Variants in GPC5 observed in about 807,000 individuals in gnomAD.
GPC5 encodes the protein glypican-5.
A neutral mutation model predicts 53.9 loss-of-function variants in GPC5; 47 were observed. The observed-to-expected ratio is 0.87, with a 90% CI of 0.69 to 1.11. The LOEUF (loss-of-function observed/expected upper bound fraction) is 1.11, where lower values mean the gene tolerates loss of function less well. Ranked by LOEUF, GPC5 falls within the 50% of genes most tolerant of loss-of-function variation. The pLI is 0.00. For synonymous variants in GPC5, 286 were observed against 263.3 expected, an observed-to-expected ratio of 1.09 and a Z score of -0.84; for missense variants, 748 against 713.1, an observed-to-expected ratio of 1.05 and a Z score of -0.56.
intron 7 of GPC5, among the ~76,000 whole-genome samples, chr13:92,253,055 G>C (rs2042703045): frequency 6.6e-6 from 1 of 152,070 alleles, no homozygotes; most frequent in African/African-American, 2.4e-5. Flanking sequence ...TTCCATCCAA[G>C]GAACCTATTT....
intron 5 of GPC5, among the ~76,000 whole-genome samples, chr13:91,859,264 C>T (rs1049560233): frequency 5.9e-5 from 9 of 151,622 alleles, no homozygotes; most frequent in African/African-American, 2.2e-4. Flanking sequence ...TTTTTCACTT[C>T]TTTGATCTTG....
At chr13:92,828,092 A>T (rs1175508701) in intron 7 of GPC5, among the ~76,000 whole-genome samples, 4 of 152,140 alleles carry the variant, frequency 2.6e-5, no homozygotes, top group Non-Finnish European at 4.4e-5. Flanking sequence ...ATTCCTGTCC[A>T]GTCATCCAGA....
At chr13:91,422,774 G>A (rs554058762) in intron 1 of GPC5, among the ~76,000 whole-genome samples, 1 of 152,280 alleles carries the variant, frequency 6.6e-6, no homozygotes, top group Non-Finnish European at 1.5e-5. Context: ...CACATAACAA[G>A]AGGATTCATG....
chr13:92,469,288 A>G (rs938407981), intron 7 of GPC5, among the ~76,000 whole-genome samples: 2 of 151,992 alleles, frequency 1.3e-5, no homozygotes, highest in African/African-American at 4.8e-5. Context: ...AGCTCACTGC[A>G]ACCTCCACCT....
chr13:92,540,662 T>A (rs1212130016), intron 7 of GPC5, among the ~76,000 whole-genome samples: 1 of 151,760 alleles, frequency 6.6e-6, no homozygotes, highest in East Asian at 1.9e-4. Context: ...AGGAGGAAGG[T>A]TTTGTGGAAG....
rs556115619 is a variant in GPC5, at chr13:91,824,394, G to C, written c.1280+67974G>C. 3.3e-5 allele frequency among the ~76,000 whole-genome samples: 5 copies of C among 152,132 alleles called. No homozygotes were observed. In the South Asian group the frequency reaches 1.0e-3, roughly 32 times the overall value. ...CTAGGAAGCATTTAAACCCCAGACA[G>C]TGTTTTAATAAGAAAAGTTTTAAAT... On this transcript the variant is annotated intron_variant, in intron 5 of 7. Coordinates refer to ENST00000377067, the MANE Select transcript of GPC5 (RefSeq NM_004466.6).
chr13:91,518,325 C>T (rs191850442), intron 2 of GPC5, among the ~76,000 whole-genome samples: 62 of 152,146 alleles, frequency 4.1e-4, no homozygotes, highest in African/African-American at 1.3e-3. Flanking sequence ...CACATCATTG[C>T]GTTCCAGCGT....
chr13:91,629,122 C>G (rs1373870018), intron 2 of GPC5, among the ~76,000 whole-genome samples: 1 of 152,094 alleles, frequency 6.6e-6, no homozygotes, highest in East Asian at 1.9e-4. Context: ...TAAGTATTAT[C>G]TATGTGTTAA....
intron 7 of GPC5, among the ~76,000 whole-genome samples, chr13:92,747,784 T>C (rs1889275440): frequency 6.6e-6 from 1 of 152,192 alleles, no homozygotes; most frequent in Admixed American, 6.5e-5. Flanking sequence ...TGATTGGGCA[T>C]TTACTGCTAC....
chr13:91,490,861 C>G (rs1289676488), intron 2 of GPC5, among the ~76,000 whole-genome samples: 2 of 152,120 alleles, frequency 1.3e-5, no homozygotes, highest in African/African-American at 4.8e-5. Flanking sequence ...GTCACCATCT[C>G]TCTATAGCAC....
chr13:92,586,575 G>C (rs1341163880), intron 7 of GPC5, among the ~76,000 whole-genome samples: 1 of 152,160 alleles, frequency 6.6e-6, no homozygotes, highest in African/African-American at 2.4e-5. Context: ...AGAGTAAGTG[G>C]AATCAACAAA....
At chr13:92,572,575 T>C (rs1316737936) in intron 7 of GPC5, among the ~76,000 whole-genome samples, 2 of 152,172 alleles carry the variant, frequency 1.3e-5, no homozygotes, top group African/African-American at 2.4e-5. Flanking sequence ...GTTTCTTTTT[T>C]AAAATAAAAT....
chr13:91,490,979 A>G (rs984240692), intron 2 of GPC5, among the ~76,000 whole-genome samples: 3 of 152,086 alleles, frequency 2.0e-5, no homozygotes, highest in East Asian at 1.9e-4. Context: ...AGGTCCTTCA[A>G]ATTTCAAAAT....
intron 7 of GPC5, among the ~76,000 whole-genome samples, chr13:92,755,439 C>T (rs1159782806): frequency 6.6e-6 from 1 of 150,950 alleles, no homozygotes; most frequent in Non-Finnish European, 1.5e-5. Flanking sequence ...CAAGAGCAAA[C>T]ACATTCAAAA....
intron 4 of GPC5, among the ~76,000 whole-genome samples, chr13:91,750,867 G>T (rs2037160739): frequency 6.6e-6 from 1 of 151,702 alleles, no homozygotes; most frequent in Admixed American, 6.6e-5. Context: ...TCTCCATGTT[G>T]GTCAGGCTGG....
At chr13:91,798,312 G>A (rs7991916) in intron 5 of GPC5, among the ~76,000 whole-genome samples, 42,396 of 152,010 alleles carry the variant, frequency 0.28, 6,602 homozygotes, top group African/African-American at 0.39. Context: ...ACGTCCATTA[G>A]CTAGCTATTC....
At chr13:91,529,425 A>G (rs562114989) in intron 2 of GPC5, among the ~76,000 whole-genome samples, 3 of 152,190 alleles carry the variant, frequency 2.0e-5, no homozygotes, top group Non-Finnish European at 4.4e-5. Flanking sequence ...TGATACCTAG[A>G]TTTCAGTTTC....
chr13:92,137,931 C>G (rs76370296), intron 6 of GPC5, among the ~76,000 whole-genome samples: 1 of 152,092 alleles, frequency 6.6e-6, no homozygotes, highest in Non-Finnish European at 1.5e-5. Flanking sequence ...GTGATGGTGA[C>G]GTGTCAGTTT....
At chr13:92,182,807 T>A (rs2042156753) in intron 7 of GPC5, among the ~76,000 whole-genome samples, 2 of 151,328 alleles carry the variant, frequency 1.3e-5, no homozygotes, top group Admixed American at 1.3e-4. Context: ...AGGCAGAGCT[T>A]GCAGTGAGCC....
Sources: allele counts gnomAD v4.1 joint callset (sites outside exome capture counted in the v4.1 genomes callset), GRCh38; gene constraint gnomAD v4.1.1; transcripts MANE v1.5; gene names NCBI Gene and HGNC (gene_info 2026-07-23, HGNC 2026-07-21).